Variants in CSMD1 observed in about 807,000 individuals in gnomAD.
CSMD1 encodes CUB and Sushi multiple domains 1.
Under a neutral mutation model 417.5 loss-of-function variants are expected in CSMD1, and 213 were observed. The ratio of observed to expected loss-of-function variants is 0.51; its 90% CI spans 0.46 to 0.57. The LOEUF (loss-of-function observed/expected upper bound fraction) is 0.57. Among genes scored for constraint, CSMD1 ranks in the 20% least tolerant of loss-of-function variants. The pLI, the probability that CSMD1 is intolerant of heterozygous loss-of-function variation, is 0.00. For synonymous variants in CSMD1, 2,862 were observed against 1,736.8 expected, an observed-to-expected ratio of 1.65 and a Z score of -16.11; for missense variants, 6,923 against 4,529.7, an observed-to-expected ratio of 1.53 and a Z score of -15.17.
intron 9 of CSMD1, among the ~76,000 whole-genome samples, chr8:3,578,724 G>A (rs549724338): frequency 6.6e-6 from 1 of 152,268 alleles, no homozygotes; most frequent in South Asian, 2.1e-4. Flanking sequence ...ACAGCCGAGG[G>A]AAACTGTTCT....
chr8:4,826,786 G>C (rs1172645893), intron 1 of CSMD1, among the ~76,000 whole-genome samples: 1 of 152,090 alleles, frequency 6.6e-6, no homozygotes, highest in African/African-American at 2.4e-5. Flanking sequence ...CTGCTATATG[G>C]AAGTACAGGC....
intron 3 of CSMD1, among the ~76,000 whole-genome samples, chr8:4,166,521 T>G (rs1336260419): frequency 6.6e-6 from 1 of 152,194 alleles, no homozygotes; most frequent in Non-Finnish European, 1.5e-5. Context: ...AAGCAAATAC[T>G]GTATATTCTC....
intron 7 of CSMD1, among the ~76,000 whole-genome samples, chr8:3,635,812 A>AAAAAAAAAAAAAAAAG (rs1554495065): frequency 8.5e-6 from 1 of 117,616 alleles, no homozygotes; most frequent in South Asian, 2.9e-4. Flanking sequence ...AAAAAAAAAA[A>AAAAAAAAAAAAAAAAG]AAAGAAAGAA....
In CSMD1 at chr8:4,814,690, T is replaced by C. The variant is rs368704451; in HGVS notation, c.86-177132A>G. Among the ~76,000 whole-genome samples, 14 of 152,250 alleles carry C rather than the reference T, an allele frequency of 9.2e-5. No individual in the cohort carries two copies. The East Asian group carries it at 1.9e-3, about 21-fold the overall frequency. ...GTATATGGGTGAACACAACAGCAAATCCCAGCTCATGCAGGTGTACCCTGT... is the reference window on the plus strand; with the variant it reads ...GTATATGGGTGAACACAACAGCAAACCCCAGCTCATGCAGGTGTACCCTGT... On this transcript the variant is annotated intron_variant, in intron 1 of 69. Transcript: ENST00000635120.
chr8:4,532,626 C>T (rs974018430), intron 2 of CSMD1, among the ~76,000 whole-genome samples: 3 of 148,704 alleles, frequency 2.0e-5, no homozygotes, highest in Non-Finnish European at 4.4e-5. Context: ...TTCAGAGTCA[C>T]TCTGGAAGAG....
chr8:4,826,682 T>C (rs564945665), intron 1 of CSMD1, among the ~76,000 whole-genome samples: 2 of 152,200 alleles, frequency 1.3e-5, no homozygotes, highest in South Asian at 4.1e-4. Context: ...TTCCCACTCA[T>C]TCTAAGCTCC....
intron 2 of CSMD1, among the ~76,000 whole-genome samples, chr8:4,553,268 T>C (rs967414173): frequency 5.9e-5 from 9 of 152,144 alleles, no homozygotes; most frequent in Admixed American, 5.2e-4. Flanking sequence ...AGTTCCTCAT[T>C]CCACTTCACT....
intron 18 of CSMD1, among the ~76,000 whole-genome samples, chr8:3,370,820 T>C (rs931952286): frequency 1.3e-5 from 2 of 152,156 alleles, no homozygotes; most frequent in South Asian, 2.1e-4. Flanking sequence ...ATCAAAAATA[T>C]AAATTATTAG....
chr8:3,529,336 C>G (rs921791749), intron 10 of CSMD1, among the ~76,000 whole-genome samples: 3 of 152,108 alleles, frequency 2.0e-5, no homozygotes, highest in African/African-American at 7.2e-5. Context: ...GGCCAACACA[C>G]TTAAGTGTAC....
At chr8:3,440,966 G>A (rs1814943370) in intron 12 of CSMD1, among the ~76,000 whole-genome samples, 1 of 152,156 alleles carries the variant, frequency 6.6e-6, no homozygotes, top group South Asian at 2.1e-4. Flanking sequence ...ATGGGTCTTT[G>A]CAGATGGAAT....
intron 5 of CSMD1, among the ~76,000 whole-genome samples, chr8:3,970,584 C>A (rs1390622504): frequency 9.2e-5 from 14 of 152,038 alleles, no homozygotes; most frequent in Admixed American, 9.2e-4. Flanking sequence ...GTTAAAGACC[C>A]AACAGAATGA....
At chr8:3,518,834 A>C (rs563249455) in intron 10 of CSMD1, among the ~76,000 whole-genome samples, 18 of 152,248 alleles carry the variant, frequency 1.2e-4, no homozygotes, top group African/African-American at 4.3e-4. Flanking sequence ...AAACTAATAA[A>C]TATTATTCAC....
chr8:3,100,459 T>G (rs1054110191), intron 46 of CSMD1, among the ~76,000 whole-genome samples: 1 of 152,098 alleles, frequency 6.6e-6, no homozygotes, highest in Non-Finnish European at 1.5e-5. Context: ...TCAGTTGGAG[T>G]GGGAGAGCTG....
intron 41 of CSMD1, among the ~76,000 whole-genome samples, chr8:3,120,704 A>AGGC (rs1554431369): frequency 8.1e-5 from 12 of 148,934 alleles, no homozygotes; most frequent in Admixed American, 2.7e-4. Context: ...AAAATTAGCC[A>AGGC]GGGGGGGTGA....
chr8:4,446,917 G>A (rs1002939497), intron 2 of CSMD1, among the ~76,000 whole-genome samples: 2 of 150,244 alleles, frequency 1.3e-5, no homozygotes, highest in Non-Finnish European at 2.9e-5. Context: ...CATTGCGCCT[G>A]GCAGAGACCG....
intron 49 of CSMD1, among the ~76,000 whole-genome samples, chr8:3,071,109 T>C (rs77230949): frequency 0.052 from 7,869 of 152,194 alleles, 218 homozygotes; most frequent in East Asian, 0.065. Context: ...AAAACACTTA[T>C]TATCATGAAG....
At chr8:3,122,951 C>T (rs1373453008) in intron 41 of CSMD1, among the ~76,000 whole-genome samples, 1 of 152,150 alleles carries the variant, frequency 6.6e-6, no homozygotes, top group African/African-American at 2.4e-5. Flanking sequence ...TTACATCATA[C>T]TTGGCTTCAA....
Position 4,195,591 on chromosome 8 carries a change from G to A in CSMD1, c.416-163492C>T, listed in dbSNP as rs530920484. On this transcript the variant is annotated intron_variant, in intron 3 of 69. Coordinates refer to ENST00000635120, the MANE Select transcript of CSMD1 (RefSeq NM_033225.6). ...TATGGTAGAGGTGAGCGTTGTCACT[G>A]TCATGACTGTGTGATATTATATAAG... Among the ~76,000 whole-genome samples the A allele has an allele frequency of 4.6e-5, 7 of 152,256 alleles. No individual in the cohort carries two copies. The East Asian group carries it at 9.7e-4, about 21-fold the overall frequency.
chr8:3,773,698 T>A (rs1245203248), intron 5 of CSMD1, among the ~76,000 whole-genome samples: 1 of 152,154 alleles, frequency 6.6e-6, no homozygotes, highest in African/African-American at 2.4e-5. Context: ...GCATCTTAAT[T>A]GAGTTCCCAC....
Sources: allele counts gnomAD v4.1 joint callset (sites outside exome capture counted in the v4.1 genomes callset), GRCh38; gene constraint gnomAD v4.1.1; transcripts MANE v1.5; gene names NCBI Gene and HGNC (gene_info 2026-07-23, HGNC 2026-07-21).